The following PPP3CC variants were observed in gnomAD, a reference collection of about 807,000 sequenced individuals.
The protein encoded by PPP3CC is protein phosphatase 3 catalytic subunit gamma.
In PPP3CC, 35 loss-of-function variants were observed where a neutral mutation model predicts 60.3. The observed-to-expected ratio is 0.58, with a 90% CI of 0.44 to 0.77. The LOEUF is 0.77. Among genes scored for constraint, PPP3CC ranks in the 30% least tolerant of loss-of-function variants. The pLI is 0.00. For missense variants in PPP3CC, 570 were observed against 628.9 expected (o/e 0.91, Z 1.00); for synonymous variants, 206 against 224.3 (o/e 0.92, Z 0.73).
At chr8:22,458,593 G>A (rs192368149) in intron 1 of PPP3CC, among the ~76,000 whole-genome samples, 43 of 150,002 alleles carry the variant, frequency 2.9e-4, no homozygotes, top group Admixed American at 7.3e-4. Flanking sequence ...GCGAGACACC[G>A]TCTCAAAAAA....
chr8:22,471,248 A>G (rs969076585), intron 1 of PPP3CC, among the ~76,000 whole-genome samples: 1 of 150,992 alleles, frequency 6.6e-6, no homozygotes, highest in South Asian at 2.1e-4. Context: ...ATCTACATCC[A>G]GCTCCAAATA....
chr8:22,540,523 T>C (rs1450405055), intron 13 of PPP3CC, 92 bp from the exon 14 acceptor site: 2 of 1,253,272 alleles, frequency 1.6e-6, no homozygotes, highest in South Asian at 2.9e-5. Flanking sequence ...TGTGTTTCTC[T>C]AGGAGGTTGC....
intron 3 of PPP3CC, among the ~76,000 whole-genome samples, chr8:22,493,921 G>A (rs1307948774): frequency 6.6e-6 from 1 of 152,076 alleles, no homozygotes. Context: ...TTATATGACT[G>A]GCAGTGCAGT....
At chr8:22,471,467 C>G (rs924713971) in intron 1 of PPP3CC, among the ~76,000 whole-genome samples, 25 of 152,054 alleles carry the variant, frequency 1.6e-4, no homozygotes, top group African/African-American at 5.6e-4. Flanking sequence ...TGCTATACAC[C>G]TAGATGGTGT....
chr8:22,456,363 G>C (rs926696030), intron 1 of PPP3CC, among the ~76,000 whole-genome samples: 3 of 152,146 alleles, frequency 2.0e-5, no homozygotes, highest in Non-Finnish European at 4.4e-5. Flanking sequence ...TGAAAAGGTT[G>C]CAGAATTTCT....
intron 10 of PPP3CC, among the ~76,000 whole-genome samples, chr8:22,529,177 A>T (rs1034707561): frequency 6.6e-6 from 1 of 152,200 alleles, no homozygotes. Flanking sequence ...CAGGAATAAC[A>T]CTTCTTGATT....
chr8:22,518,459 G>A (rs755627656), intron 6 of PPP3CC, among the ~76,000 whole-genome samples: 30 of 152,038 alleles, frequency 2.0e-4, no homozygotes, highest in South Asian at 2.1e-4. Flanking sequence ...TACTTAGGAC[G>A]ATTTACATCT....
At chr8:22,467,275 G>A (rs768203536) in intron 1 of PPP3CC, among the ~76,000 whole-genome samples, 7 of 151,958 alleles carry the variant, frequency 4.6e-5, no homozygotes, top group East Asian at 1.9e-4. Context: ...TTACTAGTGC[G>A]TATAAGTACC....
intron 1 of PPP3CC, among the ~76,000 whole-genome samples, chr8:22,445,337 T>A (rs1836790394): frequency 1.3e-5 from 2 of 152,318 alleles, no homozygotes; most frequent in Admixed American, 6.5e-5. Flanking sequence ...CGACTCTCCC[T>A]TTTTTATATC....
chr8:22,450,308 T>A (rs1836973452), intron 1 of PPP3CC, among the ~76,000 whole-genome samples: 1 of 151,906 alleles, frequency 6.6e-6, no homozygotes, highest in Non-Finnish European at 1.5e-5. Context: ...GAGATTGAAG[T>A]GAAAAAAGGG....
At chr8:22,462,425 C>T (rs895327588) in intron 1 of PPP3CC, among the ~76,000 whole-genome samples, 6 of 152,112 alleles carry the variant, frequency 3.9e-5, no homozygotes, top group South Asian at 2.1e-4. Context: ...ATCATTCGTC[C>T]GCTAAACTGG....
chr8:22,515,973 T>C (rs1182205804), intron 6 of PPP3CC, among the ~76,000 whole-genome samples: 1 of 150,036 alleles, frequency 6.7e-6, no homozygotes, highest in African/African-American at 2.5e-5. Context: ...AGGTCTCTCT[T>C]TGTTACCCGG....
At chr8:22,490,041 T>C (rs934201033) in intron 3 of PPP3CC, among the ~76,000 whole-genome samples, 8 of 151,652 alleles carry the variant, frequency 5.3e-5, no homozygotes, top group African/African-American at 1.9e-4. Context: ...GCCAGGGTGG[T>C]CTGGATCTCC....
chr8:22,531,314 C>G (rs1394648746), intron 10 of PPP3CC: 1 of 1,532,118 alleles, frequency 6.5e-7, no homozygotes, highest in Admixed American at 2.0e-5. Flanking sequence ...CACTACATTC[C>G]AAGCTATCAG....
intron 4 of PPP3CC, among the ~76,000 whole-genome samples, chr8:22,499,127 A>C (rs1838683735): frequency 6.7e-6 from 1 of 150,254 alleles, no homozygotes; most frequent in Non-Finnish European, 1.5e-5. Flanking sequence ...TCAAAAAAAA[A>C]AGAAATAGAA....
chr8:22,477,712 T>A (rs1256323483), intron 3 of PPP3CC, among the ~76,000 whole-genome samples: 4 of 151,958 alleles, frequency 2.6e-5, no homozygotes, highest in Non-Finnish European at 5.9e-5. Context: ...GATCATTTCG[T>A]ACCTCAGCCT....
At chr8:22,505,024 ATTT>A (rs34116717) in intron 4 of PPP3CC, among the ~76,000 whole-genome samples, 1,327 of 115,924 alleles carry the variant, frequency 0.011, 17 homozygotes, top group African/African-American at 0.038. Context: ...CCACGAACCT[ATTT>A]TTTTTTTTTT....
intron 9 of PPP3CC, among the ~76,000 whole-genome samples, chr8:22,527,922 A>G (rs1350018070): frequency 6.6e-6 from 1 of 152,224 alleles, no homozygotes. Context: ...GGTGTGAGCC[A>G]CCGTGCCCAG....
In PPP3CC at chr8:22,470,057, T is replaced by C. The variant is rs527574890; in HGVS notation, c.50-4897T>C. ...AAAATAAATATGGGTGATATATATA[T>C]ATACACACACACACACACACACACA... On this transcript the variant is annotated intron_variant, in intron 1 of 13. Coordinates refer to ENST00000240139, the MANE Select transcript of PPP3CC (RefSeq NM_005605.5). Among the ~76,000 whole-genome samples the C allele has an allele frequency of 2.4e-4, 34 of 144,554 alleles. No individual in the cohort carries two copies. In the South Asian group the frequency reaches 2.6e-3, roughly 11 times the overall value. The allele number at this position is 144,554 out of a possible 152,430, so 94.8% of individuals were successfully genotyped here. A position where few individuals can be genotyped will look rare whatever the true frequency, so the allele number is the denominator to read the frequency against.
Sources: allele counts gnomAD v4.1 joint callset (sites outside exome capture counted in the v4.1 genomes callset), GRCh38; gene constraint gnomAD v4.1.1; transcripts MANE v1.5; gene names NCBI Gene and HGNC (gene_info 2026-07-23, HGNC 2026-07-21).